Variants in CHI3L2 observed in about 807,000 individuals in gnomAD.
CHI3L2 encodes the protein chitinase 3 like 2.
In CHI3L2, 47 loss-of-function variants were observed where a neutral mutation model predicts 47.3. The ratio of observed to expected loss-of-function variants is 0.99; its 90% CI spans 0.79 to 1.27. CHI3L2 has a LOEUF of 1.27. Ranked by LOEUF, CHI3L2 falls within the 50% of genes most tolerant of loss-of-function variation. CHI3L2 has a pLI of 0.00. For missense variants in CHI3L2, 497 were observed against 462.1 expected, an observed-to-expected ratio of 1.08 and a Z score of -0.69; for synonymous variants, 198 against 169.9, an observed-to-expected ratio of 1.17 and a Z score of -1.28.
intron 7 of CHI3L2, among the ~76,000 whole-genome samples, 175 bp from the exon 8 acceptor site, chr1:111,238,575 A>G (rs1343722979): frequency 2.6e-5 from 4 of 152,250 alleles, no homozygotes; most frequent in African/African-American, 9.6e-5. Context: ...CTTGCTGCTA[A>G]AGAGCATATG....
chr1:111,233,883 T>C (rs1025830006), intron 4 of CHI3L2, among the ~76,000 whole-genome samples: 1 of 152,180 alleles, frequency 6.6e-6, no homozygotes, highest in Non-Finnish European at 1.5e-5. Flanking sequence ...TGTTGATCGG[T>C]GACCTTGCCC....
At chr1:111,237,687 C>T (rs1048069184) in intron 7 of CHI3L2, among the ~76,000 whole-genome samples, 8 of 152,306 alleles carry the variant, frequency 5.3e-5, no homozygotes, top group African/African-American at 1.9e-4. Context: ...AAATCAGCCT[C>T]TTACCTCCCA....
At chr1:111,231,069 C>A in intron 3 of CHI3L2, 126 bp downstream of exon 3, 2 of 972,656 alleles carry the variant, frequency 2.1e-6, no homozygotes, top group East Asian at 2.6e-5. Context: ...GGGTGTATTT[C>A]TGATCCTAAC....
At chr1:111,233,615 G>A (rs1659791352) in intron 4 of CHI3L2, among the ~76,000 whole-genome samples, 1 of 152,062 alleles carries the variant, frequency 6.6e-6, no homozygotes, top group Non-Finnish European at 1.5e-5. Flanking sequence ...CGGGAGGTGA[G>A]GGGCGCCTCT....
At chr1:111,229,734 C>A (rs575989210) in intron 1 of CHI3L2, 118 bp from the exon 2 acceptor site, 2 of 1,399,356 alleles carry the variant, frequency 1.4e-6, no homozygotes, top group Admixed American at 5.1e-5. Context: ...GCTGGGGAGC[C>A]CAGATGAAGT....
chr1:111,236,065 G>A lies in CHI3L2; in HGVS notation c.647G>A (p.Gly216Glu), dbSNP rs1260339478. Residue 216 changes from glycine (G) to glutamate (E), a missense_variant, in exon 7 of 11, where the codon GGG becomes GAG. Gly to Glu is a moderately conservative substitution (Grantham distance 98). Coordinates refer to ENST00000369748, the MANE Select transcript of CHI3L2 (RefSeq NM_004000.3). ...AACCTCCTGTCCTTTGACTTCCATG[G>A]GTCTTGGGAAAAGCCCCTTATCACT... ...FINLLSFDFH[G>E]SWEKPLITGH... 1.2e-6 allele frequency: 2 copies of A among 1,614,052 alleles called. No homozygotes were observed. The highest frequency in any genetic ancestry group is 1.7e-6 in the Non-Finnish European group (2 of 1,180,030).
chr1:111,230,836 A>C lies in CHI3L2; in HGVS notation c.165A>C (p.Leu55=). 6.2e-7 allele frequency: 1 copy of C among 1,614,110 alleles called. No homozygotes were observed. Among genetic ancestry groups the C allele is most frequent in the Non-Finnish European group, 8.5e-7 (1 of 1,180,000 alleles). ...KFTPENIDPF[L]CSHLIYSFAS... ...CCCCTGAGAATATTGACCCCTTCCT[A>C]TGCTCTCATCTCATCTATTCATTCG... is the stretch of plus-strand genomic sequence containing the variant. Residue 55 remains leucine (L), a synonymous_variant, in exon 3 of 11, where the codon CTA becomes CTC. Coordinates refer to ENST00000369748, the MANE Select transcript of CHI3L2 (RefSeq NM_004000.3).
chr1:111,231,410 A>G (rs1571223857), intron 4 of CHI3L2, 116 bp downstream of exon 4: 1 of 765,246 alleles, frequency 1.3e-6, no homozygotes, highest in Admixed American at 2.6e-5. Context: ...TCCCTTGGCC[A>G]GGTGGCAAAA....
chr1:111,239,172 G>A (rs944798331), intron 8 of CHI3L2: 50 of 419,572 alleles, frequency 1.2e-4, no homozygotes, highest in Middle Eastern at 5.8e-4. Context: ...ATGGGGATAG[G>A]CAGAGGAGAG....
rs1203927652 is a variant in CHI3L2 at position 111,240,908 on chromosome 1, T to C, written c.919-419T>C. Among the ~76,000 whole-genome samples the C allele has an allele frequency of 2.0e-5, 3 of 152,236 alleles. No homozygotes were observed. The East Asian group carries it at 5.8e-4, about 29-fold the overall frequency. On this transcript the variant is annotated intron_variant, in intron 8 of 10. Transcript: ENST00000369748. ...TCATGATAATACTTCACTTTAGAAG[T>C]AGAGCACTTTACTGTTTTCAAAAAA... is the stretch of plus-strand genomic sequence containing the variant.
chr1:111,229,935 T>G (rs1043962010), intron 2 of CHI3L2, 54 bp downstream of exon 2: 7 of 1,599,144 alleles, frequency 4.4e-6, no homozygotes, highest in South Asian at 3.3e-5. Flanking sequence ...GGTGCTTTCA[T>G]TTTTGATGTA....
chr1:111,228,556 C>T (rs1335632597), intron 1 of CHI3L2, among the ~76,000 whole-genome samples: 3 of 152,176 alleles, frequency 2.0e-5, no homozygotes, highest in Non-Finnish European at 4.4e-5. Context: ...GTGGATGTGC[C>T]ACAGAGAATT....
At chr1:111,233,525 A>T (rs187355145) in intron 4 of CHI3L2, among the ~76,000 whole-genome samples, 206 of 152,284 alleles carry the variant, frequency 1.4e-3, no homozygotes, top group Admixed American at 2.9e-3. Context: ...CCAAGGGTGT[A>T]AAGTGTTAAA....
intron 7 of CHI3L2, among the ~76,000 whole-genome samples, chr1:111,238,494 T>C (rs1659948413): frequency 6.6e-6 from 1 of 152,136 alleles, no homozygotes; most frequent in Admixed American, 6.5e-5. Flanking sequence ...GTTTTCTAGG[T>C]TCCTTGACTG....
In CHI3L2 at chr1:111,231,268, T is replaced by C. The variant is rs1412804188; in HGVS notation, c.303T>C (p.Ile101=). 1.2e-6 allele frequency: 2 copies of C among 1,611,872 alleles called. No homozygotes were observed. The highest frequency in any genetic ancestry group is 1.7e-5 in the Admixed American group (1 of 59,910). ...KNPKLKILLS[I]GGYLFGSKGF... is the part of the protein sequence containing the mutation. The stretch of plus-strand genomic sequence containing the variant: ...CCAAACTGAAAATTCTCTTGTCCAT[T>C]GGAGGGTACCTGTTTGGTTCCAAAG... Residue 101 remains isoleucine, a synonymous_variant, in exon 4 of 11, where the codon ATT becomes ATC. Coordinates refer to ENST00000369748, the MANE Select transcript of CHI3L2 (RefSeq NM_004000.3).
At chr1:111,236,545 G>A (rs182526653) in intron 7 of CHI3L2, among the ~76,000 whole-genome samples, 1 of 152,192 alleles carries the variant, frequency 6.6e-6, no homozygotes, top group East Asian at 1.9e-4. Flanking sequence ...GGTCAGCTGG[G>A]TAGGAAATGT....
At chr1:111,237,429 T>C (rs776193697) in intron 7 of CHI3L2, among the ~76,000 whole-genome samples, 3 of 152,232 alleles carry the variant, frequency 2.0e-5, no homozygotes, top group African/African-American at 7.2e-5. Flanking sequence ...TATATATGGA[T>C]GTATATTCCT....
chr1:111,235,915 A>G, intron 6 of CHI3L2, 109 bp from the exon 7 acceptor site: 2 of 1,544,818 alleles, frequency 1.3e-6, no homozygotes, highest in Admixed American at 1.8e-5. Flanking sequence ...ACTTCTTTAC[A>G]GAGACTTTCA....
chr1:111,231,100 C>T, intron 3 of CHI3L2, 138 bp from the exon 4 acceptor site: 8 of 951,032 alleles, frequency 8.4e-6, no homozygotes, highest in African/African-American at 1.6e-5. Context: ...AGTGCTTCAT[C>T]CCTTCACTGA....
Sources: gnomAD v4.1 joint callset for allele counts (sites outside exome capture counted in the v4.1 genomes callset) on GRCh38, gnomAD v4.1.1 for gene constraint, MANE v1.5 for transcripts, NCBI Gene and HGNC (gene_info 2026-07-23, HGNC 2026-07-21) for gene names.